BBS2: variants seen among roughly 807,000 people sequenced by gnomAD.
BBS2 encodes BBSome complex member BBS2.
BBS2 carries 62 observed loss-of-function variants against 83.0 expected under a neutral mutation model. The observed-to-expected ratio is 0.75, with a 90% CI of 0.61 to 0.92. BBS2 has a LOEUF of 0.92. Ranked by LOEUF, BBS2 falls within the 40% of genes least tolerant of loss-of-function variation. The pLI is 0.00. For missense variants in BBS2, 784 were observed against 901.0 expected (o/e 0.87, Z 1.66); for synonymous variants, 303 against 326.1 (o/e 0.93, Z 0.76).
intron 15 of BBS2, among the ~76,000 whole-genome samples, chr16:56,486,102 T>C (rs12596017): frequency 0.11 from 17,351 of 152,182 alleles, 1,103 homozygotes; most frequent in African/African-American, 0.16. Flanking sequence ...CAACTCAGCC[T>C]TGTATTTTAT....
chr16:56,501,512 A>G lies in BBS2; in HGVS notation c.1081-15T>C. On this transcript the variant is annotated splice_polypyrimidine_tract_variant and intron_variant, in intron 9 of 16. Coordinates refer to ENST00000245157, the MANE Select transcript of BBS2 (RefSeq NM_031885.5). ...GCCAATTCAGCCTGCAAAACACCCCACCCATTTCCTACTCAGTCACCAAAA... is the reference window on the plus strand; with the variant it reads ...GCCAATTCAGCCTGCAAAACACCCCGCCCATTTCCTACTCAGTCACCAAAA... The G allele has an allele frequency of 6.2e-7, 1 of 1,614,098 alleles. No homozygotes were observed. Among genetic ancestry groups the G allele is most frequent in the Non-Finnish European group, 8.5e-7 (1 of 1,179,994 alleles).
chr16:56,500,112 T>C (rs1242412294), intron 11 of BBS2: 3 of 551,020 alleles, frequency 5.4e-6, no homozygotes, highest in Non-Finnish European at 3.3e-6. Context: ...AGTCTACATA[T>C]ATACCTGCAT....
At chr16:56,517,362 T>A (rs1964780331) in intron 1 of BBS2, among the ~76,000 whole-genome samples, 1 of 152,188 alleles carries the variant, frequency 6.6e-6, no homozygotes, top group African/African-American at 2.4e-5. Context: ...CCCCAGCGGC[T>A]TCCTTGTGCT....
At chr16:56,482,452 G>A (rs1406061663), downstream of BBS2, among the ~76,000 whole-genome samples, 1 of 152,098 alleles carries the variant, frequency 6.6e-6, no homozygotes. Context: ...AGCAACCTCT[G>A]TGTGAGGCAG....
chr16:56,480,364 AAC>A (rs1195794037), downstream of BBS2, among the ~76,000 whole-genome samples: 58 of 146,808 alleles, frequency 4.0e-4, 1 homozygote, highest in South Asian at 1.9e-3. Context: ...AAAAAAAAAA[AAC>A]AAAAAAAAAA....
chr16:56,514,172 G>C (rs1374681047), intron 2 of BBS2, among the ~76,000 whole-genome samples: 1 of 152,172 alleles, frequency 6.6e-6, no homozygotes, highest in African/African-American at 2.4e-5. Flanking sequence ...TGGCTTCCCA[G>C]CTCTTGGCTG....
chr16:56,476,093 A>G, intron 17 of BBS2: 1 of 1,613,798 alleles, frequency 6.2e-7, no homozygotes, highest in Non-Finnish European at 8.5e-7. Context: ...GTCTACAGAG[A>G]CAGAGAGACT....
intron 5 of BBS2, 98 bp downstream of exon 5, chr16:56,509,859 G>C: frequency 7.8e-7 from 1 of 1,275,290 alleles, no homozygotes; most frequent in Non-Finnish European, 1.1e-6. Context: ...AAAACCACCT[G>C]GGTTTGGAGA....
downstream of BBS2, among the ~76,000 whole-genome samples, chr16:56,480,765 G>T (rs1963649438): frequency 6.6e-6 from 1 of 152,192 alleles, no homozygotes; most frequent in African/African-American, 2.4e-5. Context: ...GTTGAAAAGG[G>T]TCGAGGAGAT....
At chr16:56,483,255 A>T (rs1963690884), downstream of BBS2, among the ~76,000 whole-genome samples, 7 of 152,232 alleles carry the variant, frequency 4.6e-5, no homozygotes. Flanking sequence ...ACAGTATTAT[A>T]ATCTTATGGT....
intron 14 of BBS2, 115 bp from the exon 15 acceptor site, chr16:56,497,194 T>TA (rs1964139304): frequency 1.3e-6 from 1 of 776,156 alleles, no homozygotes; most frequent in Non-Finnish European, 2.3e-6. Flanking sequence ...CCTGTTCGCT[T>TA]ATACCAATTA....
In BBS2 at chr16:56,502,464, G is replaced by C. The variant is rs373354290; in HGVS notation, c.941-8C>G. On this transcript the variant is annotated splice_polypyrimidine_tract_variant and splice_region_variant and intron_variant, in intron 8 of 16. Coordinates refer to ENST00000245157, the MANE Select transcript of BBS2 (RefSeq NM_031885.5). ...CAGGCAGGTAGCCCCGGACTGAACA[G>C]AAGGAAAAAACCGCAAGTATAACCA... The C allele has an allele frequency of 1.4e-5, 23 of 1,614,006 alleles. No individual in the cohort carries two copies. In the African/African-American group the frequency reaches 2.8e-4, roughly 20 times the overall value.
intron 17 of BBS2, among the ~76,000 whole-genome samples, chr16:56,474,616 G>A (rs1963369158): frequency 1.3e-5 from 2 of 151,924 alleles, no homozygotes; most frequent in South Asian, 2.1e-4. Flanking sequence ...CACCATGCCC[G>A]GCCCAAAATT....
At chr16:56,490,151 A>C (rs4784672) in intron 15 of BBS2, among the ~76,000 whole-genome samples, 3,334 of 149,508 alleles carry the variant, frequency 0.022, 53 homozygotes, top group African/African-American at 0.038. Flanking sequence ...CACACACACA[A>C]AAATAATAAT....
chr16:56,516,295 C>T (rs1964746234), intron 1 of BBS2, among the ~76,000 whole-genome samples: 1 of 152,150 alleles, frequency 6.6e-6, no homozygotes, highest in African/African-American at 2.4e-5. Context: ...TGAGGAGGTG[C>T]TGCAAACAAT....
At chr16:56,478,790 A>C (rs374870038) in intron 17 of BBS2, 11 of 152,302 alleles carry the variant, frequency 7.2e-5, no homozygotes, top group African/African-American at 2.6e-4. Context: ...TACACTACAA[A>C]AAGGGACTCG....
chr16:56,503,664 A>G (rs1964341748), intron 7 of BBS2, among the ~76,000 whole-genome samples: 1 of 152,268 alleles, frequency 6.6e-6, no homozygotes, highest in Non-Finnish European at 1.5e-5. Flanking sequence ...TCACGCCTGT[A>G]ATGCCAGCAC....
At chr16:56,518,616 G>A (rs1466829994) in intron 1 of BBS2, among the ~76,000 whole-genome samples, 1 of 152,192 alleles carries the variant, frequency 6.6e-6, no homozygotes, top group Non-Finnish European at 1.5e-5. Context: ...TGCTGCTGCC[G>A]TTGGCCTTGT....
intron 17 of BBS2, among the ~76,000 whole-genome samples, chr16:56,472,916 C>T (rs1473953592): frequency 4.0e-5 from 6 of 148,826 alleles, no homozygotes; most frequent in African/African-American, 1.5e-4. Flanking sequence ...AGCAGTTTTG[C>T]TTTTTTTGTT....
Sources: gnomAD v4.1 joint callset for allele counts (sites outside exome capture counted in the v4.1 genomes callset) on GRCh38, gnomAD v4.1.1 for gene constraint, MANE v1.5 for transcripts, NCBI Gene and HGNC (gene_info 2026-07-23, HGNC 2026-07-21) for gene names.